Variants in ASTN2 observed in about 807,000 individuals in gnomAD.
ASTN2 encodes astrotactin-2.
A neutral mutation model predicts 139.8 loss-of-function variants in ASTN2; 54 were observed. That is an observed-to-expected ratio of 0.39 (90% CI 0.31 to 0.48). ASTN2 has a LOEUF of 0.48. Among genes scored for constraint, ASTN2 ranks in the 20% least tolerant of loss-of-function variants. ASTN2 has a pLI of 0.95. For missense variants in ASTN2, 1,565 were observed against 1,725.1 expected, an observed-to-expected ratio of 0.91 and a Z score of 1.64; for synonymous variants, 756 against 719.5, an observed-to-expected ratio of 1.05 and a Z score of -0.81.
At chr9:116,427,220 T>C (rs1470925423) in intron 22 of ASTN2, among the ~76,000 whole-genome samples, 2 of 152,170 alleles carry the variant, frequency 1.3e-5, no homozygotes, top group Non-Finnish European at 2.9e-5. Flanking sequence ...CTACCGCCAG[T>C]AGCACCCTTG....
At chr9:117,391,254 C>T (rs1010891766) in intron 1 of ASTN2, among the ~76,000 whole-genome samples, 2 of 152,092 alleles carry the variant, frequency 1.3e-5, no homozygotes, top group African/African-American at 4.8e-5. Context: ...AATGGGAAGT[C>T]ATCATGAATT....
chr9:116,448,385 G>T (rs1453931777), intron 20 of ASTN2, among the ~76,000 whole-genome samples: 1 of 152,148 alleles, frequency 6.6e-6, no homozygotes, highest in East Asian at 1.9e-4. Context: ...TGGGAAGCTG[G>T]ATGGCCAGGG....
chr9:117,237,319 T>C (rs1833075025), intron 2 of ASTN2, among the ~76,000 whole-genome samples: 1 of 152,180 alleles, frequency 6.6e-6, no homozygotes, highest in Admixed American at 6.5e-5. Context: ...GAAGCAGGTC[T>C]GAGTTCTTGC....
chr9:116,578,619 CGTGTGTGTGTGTGTGTGT>C (rs71377254), intron 19 of ASTN2, among the ~76,000 whole-genome samples: 217 of 137,670 alleles, frequency 1.6e-3, no homozygotes, highest in African/African-American at 4.9e-3. Context: ...CTGGCTCCAA[CGTGTGTGTGTGTGTGTGT>C]GTGTGTGTGT....
At chr9:117,098,208 G>C (rs1035392581) in intron 4 of ASTN2, among the ~76,000 whole-genome samples, 1 of 152,172 alleles carries the variant, frequency 6.6e-6, no homozygotes, top group Non-Finnish European at 1.5e-5. Context: ...AGCATTCAGA[G>C]CTTTGTATAC....
chr9:116,501,118 T>A (rs1045278387), intron 19 of ASTN2, among the ~76,000 whole-genome samples: 7 of 152,082 alleles, frequency 4.6e-5, no homozygotes, highest in Non-Finnish European at 8.8e-5. Flanking sequence ...TCTTTCTTCT[T>A]CTCCCCTAGG....
At chr9:117,110,258 A>G (rs988976348) in intron 4 of ASTN2, among the ~76,000 whole-genome samples, 1 of 152,220 alleles carries the variant, frequency 6.6e-6, no homozygotes, top group Non-Finnish European at 1.5e-5. Flanking sequence ...AATATAAAAA[A>G]GAACCTTAAA....
intron 17 of ASTN2, among the ~76,000 whole-genome samples, chr9:116,636,613 T>A (rs1386874317): frequency 6.6e-6 from 1 of 150,702 alleles, no homozygotes; most frequent in Non-Finnish European, 1.5e-5. Flanking sequence ...ACCCGGGAGG[T>A]GGAGGTTGCA....
At chr9:116,618,224 T>C in intron 19 of ASTN2, 100 bp downstream of exon 19, 1 of 1,276,378 alleles carries the variant, frequency 7.8e-7, no homozygotes, top group Non-Finnish European at 1.1e-6. Flanking sequence ...TTCCAATGCC[T>C]TCCCAAGACA....
chr9:117,102,179 G>T (rs982388251), intron 4 of ASTN2, among the ~76,000 whole-genome samples: 2 of 152,122 alleles, frequency 1.3e-5, no homozygotes, highest in African/African-American at 4.8e-5. Context: ...GTGGTATATA[G>T]ACATAGAATA....
rs552546790 is a variant in ASTN2, at chr9:116,811,507, G to T, written c.2208-5687C>A. 7.3e-3 allele frequency among the ~76,000 whole-genome samples: 1,118 copies of T among 152,172 alleles called. 4 individuals are homozygous for T. Among genetic ancestry groups the T allele is most frequent in the Non-Finnish European group, 0.011 (780 of 68,006 alleles). On this transcript the variant is annotated intron_variant, in intron 12 of 22. Transcript: ENST00000313400. ...ACAGTGTAGTTTGTATAATTTCTAT[G>T]TTGGTAAATTTTTGAGATTCTAAGG...
intron 5 of ASTN2, among the ~76,000 whole-genome samples, chr9:117,054,964 G>A (rs1332302250): frequency 6.6e-6 from 1 of 152,214 alleles, no homozygotes; most frequent in East Asian, 1.9e-4. Flanking sequence ...TGCATGCACA[G>A]GTTACAATAG....
chr9:117,141,118 C>T (rs1830064273), intron 4 of ASTN2, among the ~76,000 whole-genome samples: 1 of 152,156 alleles, frequency 6.6e-6, no homozygotes, highest in Non-Finnish European at 1.5e-5. Flanking sequence ...CATTCTCATT[C>T]TCAGTTGAGG....
At chr9:117,335,363 C>T (rs561646206) in intron 1 of ASTN2, among the ~76,000 whole-genome samples, 5 of 152,124 alleles carry the variant, frequency 3.3e-5, no homozygotes, top group Admixed American at 2.0e-4. Context: ...ACCATAAGCT[C>T]CTATGTTTGG....
intron 13 of ASTN2, among the ~76,000 whole-genome samples, chr9:116,742,001 C>T (rs1829108071): frequency 6.6e-6 from 1 of 152,184 alleles, no homozygotes; most frequent in Non-Finnish European, 1.5e-5. Context: ...ATTAGGAATA[C>T]AACAATAAAA....
intron 5 of ASTN2, among the ~76,000 whole-genome samples, chr9:117,049,503 T>C (rs1838853144): frequency 6.6e-6 from 1 of 152,198 alleles, no homozygotes; most frequent in African/African-American, 2.4e-5. Flanking sequence ...GTAAATAATA[T>C]TAGCAGAGCC....
chr9:117,414,508 A>C lies in ASTN2; in HGVS notation c.431T>G (p.Phe144Cys). ...QDDLDNTELP[F>C]FTLEMSGTAA... The stretch of plus-strand genomic sequence containing the variant: ...GCGCCCAGCCTTACCCAGGGTGAAG[A>C]AGGGCAGCTCGGTGTTGTCCAGGTC... Residue 144 changes from phenylalanine (F) to cysteine (C), a missense_variant, in exon 1 of 23, where the codon TTC becomes TGC. This residue lies in a region of ASTN2 where 596 missense variants were observed against 576.8 expected (regional missense o/e 1.03). Coordinates refer to ENST00000313400, the MANE Select transcript of ASTN2 (RefSeq NM_001365068.1). This position sits in a 1 kb window ranked among gnomAD's most constrained non-coding sequence, Gnocchi z 4.2. 6.2e-7 allele frequency: 1 copy of C among 1,608,908 alleles called. No individual in the cohort carries two copies. Among genetic ancestry groups the C allele is most frequent in the Non-Finnish European group, 8.5e-7 (1 of 1,178,160 alleles).
At chr9:117,236,760 C>T (rs1203460655) in intron 2 of ASTN2, among the ~76,000 whole-genome samples, 3 of 152,178 alleles carry the variant, frequency 2.0e-5, no homozygotes, top group African/African-American at 7.2e-5. Context: ...CCTCTCTCTG[C>T]TTTAGTTTTC....
intron 10 of ASTN2, among the ~76,000 whole-genome samples, chr9:116,961,663 T>C (rs1437108279): frequency 6.6e-5 from 10 of 152,216 alleles, no homozygotes; most frequent in African/African-American, 2.4e-4. Flanking sequence ...CATATTCTTT[T>C]TGGAAGCATC....
Sources: gnomAD v4.1 joint callset for allele counts (sites outside exome capture counted in the v4.1 genomes callset) on GRCh38, gnomAD v4.1.1 for gene constraint, gnomAD v4.1.1 regional missense constraint, Gnocchi (gnomAD v3.1) non-coding constraint, MANE v1.5 for transcripts, NCBI Gene and HGNC (gene_info 2026-07-23, HGNC 2026-07-21) for gene names.